Variants in GPR143 observed in about 807,000 individuals in gnomAD.
The protein encoded by GPR143 is G-protein coupled receptor 143.
A neutral mutation model predicts 27.6 loss-of-function variants in GPR143; 8 were observed. The observed-to-expected ratio is 0.29, with a 90% CI of 0.17 to 0.52. The LOEUF (loss-of-function observed/expected upper bound fraction) is 0.52. Among genes scored for constraint, GPR143 ranks in the 20% least tolerant of loss-of-function variants. The pLI is 0.96. For synonymous variants in GPR143, 156 were observed against 153.2 expected (o/e 1.02, Z -0.13); for missense variants, 303 against 343.1 (o/e 0.88, Z 0.92).
chrX:9,748,739 C>T, intron 3 of GPR143, 73 bp from the exon 4 acceptor site: 1 of 700,036 alleles, frequency 1.4e-6, no homozygotes, highest in East Asian at 3.2e-5. Flanking sequence ...CAGGCCAGCT[C>T]CTGCGCTCTG....
Position 9,727,170 on chromosome X carries a change from C to G in GPR143, c.1121-1330G>C, listed in dbSNP as rs189780742. On this transcript the variant is annotated intron_variant, in intron 8 of 8. Coordinates refer to ENST00000467482, the MANE Select transcript of GPR143 (RefSeq NM_000273.3). ...TGTTCCTGCCCTTTCTCAATTGATT[C>G]TTTCTGAATAATGCCTTTTAACCAA... 8.0e-5 allele frequency among the ~76,000 whole-genome samples: 9 copies of G among 113,180 alleles called. No homozygotes were observed. The East Asian group carries it at 2.2e-3, about 28-fold the overall frequency.
In GPR143 at chrX:9,745,824, A is replaced by G. The variant is rs73472091; in HGVS notation, c.658+220T>C. ...AGTCAACTAGTCCTGGCACTGAGCTAACAAACGATGGTACAGAACTTGTGC... is the reference window on the plus strand; with the variant it reads ...AGTCAACTAGTCCTGGCACTGAGCTGACAAACGATGGTACAGAACTTGTGC... On this transcript the variant is annotated intron_variant, in intron 5 of 8. Transcript: ENST00000467482. Among the ~76,000 whole-genome samples, 6,996 of 112,067 alleles carry G rather than the reference A, an allele frequency of 0.062. 548 individuals carry two copies. The highest frequency in any genetic ancestry group is 0.21 in the African/African-American group (6,593 of 30,731).
intron 6 of GPR143, among the ~76,000 whole-genome samples, chrX:9,742,456 A>G (rs952828357): frequency 9.0e-6 from 1 of 110,975 alleles, no homozygotes; most frequent in Non-Finnish European, 1.9e-5. Context: ...TGTATCGCCC[A>G]GGATGGTTTT....
intron 1 of GPR143, among the ~76,000 whole-genome samples, chrX:9,776,547 A>AG: frequency 1.6e-5 from 1 of 61,222 alleles, no homozygotes; most frequent in Non-Finnish European, 3.1e-5. Context: ...AACCATGCCT[A>AG]GCTTTTTTTT....
intron 1 of GPR143, among the ~76,000 whole-genome samples, chrX:9,772,218 C>T (rs1484549274): frequency 9.0e-6 from 1 of 111,586 alleles, no homozygotes; most frequent in Admixed American, 9.5e-5. Flanking sequence ...ATAGGATGTC[C>T]TGACAATTTT....
At chrX:9,731,802 G>C (rs969514992) in intron 8 of GPR143, among the ~76,000 whole-genome samples, 29 of 99,864 alleles carry the variant, frequency 2.9e-4, no homozygotes, top group Admixed American at 2.2e-3. Flanking sequence ...GGAATTGGGG[G>C]GGGGGGGAAG....
At chrX:9,738,344 G>C (rs1220692556) in intron 8 of GPR143, 1 of 608,712 alleles carries the variant, frequency 1.6e-6, no homozygotes, top group African/African-American at 2.5e-5. Flanking sequence ...TTCCCTAGAT[G>C]GTATCAGTAA....
At position 9,775,022 on chromosome X, in the gene GPR143, C is replaced by A. The variant is rs149683356; in HGVS notation, c.-3+11220G>T. Among the ~76,000 whole-genome samples, 727 of 110,923 alleles carry A rather than the reference C, an allele frequency of 6.6e-3. 10 individuals carry two copies. The highest frequency in any genetic ancestry group is 0.022 in the African/African-American group (682 of 30,447). Reference sequence around the variant, plus strand: ...GAGACGACAGGCATGTGCCACCATGCCCAGCTAACTTTAAAAAAATGTAAA... The same window carrying A: ...GAGACGACAGGCATGTGCCACCATGACCAGCTAACTTTAAAAAAATGTAAA... On this transcript the variant is annotated intron_variant, in intron 1 of 7. Coordinates refer to the GPR143 transcript ENST00000447366.
At chrX:9,764,888 A>AT (rs1222031487) in intron 1 of GPR143, among the ~76,000 whole-genome samples, 1 of 109,412 alleles carries the variant, frequency 9.1e-6, no homozygotes, top group East Asian at 2.9e-4. Flanking sequence ...TTAGTCGGGC[A>AT]TGGTGGCGCG....
chrX:9,758,835 C>T (rs762720115), intron 3 of GPR143, among the ~76,000 whole-genome samples: 1 of 111,481 alleles, frequency 9.0e-6, no homozygotes, highest in African/African-American at 3.3e-5. Flanking sequence ...CTGCAGTGAA[C>T]CATACTCTCA....
rs908019878 is a variant in GPR143, at chrX:9,740,253, A to G, written c.886-534T>C. 2.7e-5 allele frequency among the ~76,000 whole-genome samples: 3 copies of G among 111,685 alleles called. No homozygotes were observed. In the Admixed American group the frequency reaches 2.8e-4, roughly 11 times the overall value. On this transcript the variant is annotated intron_variant, in intron 7 of 8. Coordinates refer to ENST00000467482, the MANE Select transcript of GPR143 (RefSeq NM_000273.3). ...GACGGAGTCTGGGAAACATCCCTCC[A>G]CTCTTGTGTGCTAAGGACACATAAA...
intron 3 of GPR143, among the ~76,000 whole-genome samples, chrX:9,749,137 T>C (rs890231623): frequency 9.0e-6 from 1 of 111,696 alleles, no homozygotes; most frequent in African/African-American, 3.3e-5. Context: ...GTGGAGGTAA[T>C]TGAATCATGG....
At position 9,739,517 on chromosome X, in the gene GPR143, G is replaced by T. The variant is rs1423371035; in HGVS notation, c.1088C>A (p.Thr363Asn). 3.3e-6 allele frequency: 4 copies of T among 1,207,717 alleles called. No homozygotes were observed. In the Admixed American group the frequency reaches 8.7e-5, roughly 26 times the overall value. Reference sequence around the variant, plus strand: ...CAGCATGCTCAGGGCTTCGTCAGAAGTCTGCCCACCCACTTGAGACACCTT... The same window carrying T: ...CAGCATGCTCAGGGCTTCGTCAGAATTCTGCCCACCCACTTGAGACACCTT... ...SGKVSQVGGQ[T>N]SDEALSMLSE... Residue 363 changes from threonine to asparagine, a missense_variant, in exon 8 of 9, where the codon ACT becomes AAT. By Grantham distance (65) the Thr-to-Asn change is moderately conservative. Coordinates refer to ENST00000467482, the MANE Select transcript of GPR143 (RefSeq NM_000273.3).
chrX:9,743,722 C>T (rs765855861), intron 5 of GPR143, 49 bp from the exon 6 acceptor site: 77 of 778,808 alleles, frequency 9.9e-5, no homozygotes, highest in Admixed American at 5.3e-4. Flanking sequence ...TTCATGTTTA[C>T]GGAGTGACAG....
chrX:9,766,266 T>C (rs970968724), upstream of GPR143: 1 of 113,076 alleles, frequency 8.8e-6, no homozygotes, highest in Admixed American at 9.5e-5. Flanking sequence ...TTTGATGCCT[T>C]TAAGGCGCCA....
At chrX:9,737,459 A>G (rs1026006979) in intron 8 of GPR143, among the ~76,000 whole-genome samples, 2 of 112,503 alleles carry the variant, frequency 1.8e-5, no homozygotes, top group Non-Finnish European at 3.7e-5. Context: ...AAGAAACCAG[A>G]CACAACAGGA....
intron 6 of GPR143, among the ~76,000 whole-genome samples, chrX:9,742,541 T>C (rs2083408997): frequency 8.9e-6 from 1 of 112,024 alleles, no homozygotes; most frequent in South Asian, 3.7e-4. Context: ...GCAGGTGAAT[T>C]TTTAACATCA....
upstream of GPR143, among the ~76,000 whole-genome samples, chrX:9,770,323 A>AAGAGAGAGAGAGAGAG (rs201287124): frequency 8.7e-4 from 77 of 89,007 alleles, no homozygotes; most frequent in African/African-American, 3.2e-3. Context: ...AAGAAAGAAA[A>AAGAGAGAGAGAGAGAG]AGAGAGAGAG....
intron 8 of GPR143, among the ~76,000 whole-genome samples, chrX:9,734,055 G>T (rs1312993924): frequency 3.0e-5 from 3 of 100,378 alleles, no homozygotes; most frequent in Non-Finnish European, 4.0e-5. Flanking sequence ...ACTCCAGTCT[G>T]GGCAACAACA....
Sources: gnomAD v4.1 joint callset for allele counts (sites outside exome capture counted in the v4.1 genomes callset) on GRCh38, gnomAD v4.1.1 for gene constraint, MANE v1.5 for transcripts, NCBI Gene and HGNC (gene_info 2026-07-23, HGNC 2026-07-21) for gene names.